The following TSC2 variants were observed in gnomAD, a reference collection of about 807,000 sequenced individuals.
TSC2 encodes the protein TSC complex subunit 2.
In TSC2, 29 loss-of-function variants were observed where a neutral mutation model predicts 202.2. The ratio of observed to expected loss-of-function variants is 0.14; its 90% confidence interval spans 0.11 to 0.20. TSC2 has a LOEUF of 0.20. TSC2 is among the 10% of genes least tolerant of loss of function. TSC2 has a pLI of 1.00. For missense variants in TSC2, 2,429 were observed against 2,420.0 expected (o/e 1.00, Z -0.08); for synonymous variants, 1,349 against 1,044.0 (o/e 1.29, Z -5.63).
rs397515142 is a variant in TSC2 at position 2,062,976 on chromosome 16, G to A, written c.1366G>A (p.Glu456Lys). The change falls in exon 14 of 42, where the codon GAG becomes AAG. Residue 456 changes from glutamate (E) to lysine (K), a missense_variant. Coordinates refer to ENST00000219476, the MANE Select transcript of TSC2 (RefSeq NM_000548.5). ...QALMERFFRS[E>K]SRGAVRIKVL... The stretch of plus-strand genomic sequence containing the variant: ...CAGCAGGCTGCCGTCCCGCAGGAGC[G>A]AGTCCCGAGGCGCCGTGCGCATCAA... 18 of 1,550,424 alleles carry A rather than the reference G, an allele frequency of 1.2e-5. No homozygotes were observed. The highest frequency in any genetic ancestry group is 1.7e-4 in the Middle Eastern group (1 of 5,744).
At chr16:2,068,108 C>T (rs1276850590) in intron 16 of TSC2, among the ~76,000 whole-genome samples, 1 of 152,154 alleles carries the variant, frequency 6.6e-6, no homozygotes, top group African/African-American at 2.4e-5. Flanking sequence ...GGCACGATCT[C>T]ACCTCACTGC....
intron 15 of TSC2, 110 bp from the exon 16 acceptor site, chr16:2,065,409 T>C: frequency 2.4e-6 from 2 of 835,788 alleles, no homozygotes; most frequent in Non-Finnish European, 3.7e-6. Context: ...CAAGACTCGA[T>C]CTCAAAAAAA....
chr16:2,073,729 C>G (rs978423067), intron 21 of TSC2, among the ~76,000 whole-genome samples: 1 of 152,244 alleles, frequency 6.6e-6, no homozygotes. Context: ...GCCTTACTGG[C>G]CCACAGTGTA....
intron 38 of TSC2, 60 bp from the exon 39 acceptor site, chr16:2,087,802 GC>G: frequency 6.3e-7 from 1 of 1,585,248 alleles, no homozygotes; most frequent in Non-Finnish European, 8.6e-7. Flanking sequence ...CCAGGCAGTA[GC>G]CGAGATCAGC....
intron 30 of TSC2, chr16:2,080,780 A>T (rs148501094): frequency 1.8e-5 from 4 of 226,096 alleles, no homozygotes; most frequent in Non-Finnish European, 3.6e-5. Flanking sequence ...CACCGCGCCC[A>T]GCCATTTGGG....
intron 36 of TSC2, 112 bp from the exon 37 acceptor site, chr16:2,086,081 C>A: frequency 7.9e-7 from 1 of 1,268,832 alleles, no homozygotes; most frequent in Non-Finnish European, 1.1e-6. Flanking sequence ...GTCTTGTCTG[C>A]CTCAGGGATC....
rs1221299997 is a variant in TSC2 at position 2,089,332 on chromosome 16, G to C, written c.*722G>C. The C allele has an allele frequency of 6.5e-6, 2 of 309,790 alleles. No homozygotes were observed. The highest frequency in any genetic ancestry group is 2.1e-5 in the African/African-American group (1 of 46,846). The allele number at this position is 309,790 out of a possible 1,614,324, so 19.2% of individuals were successfully genotyped here. On this transcript the variant is annotated 3_prime_UTR_variant, in exon 42 of 42. Transcript: ENST00000219476. ...TGCAGGGAGTACGGTAGGAACTGGA[G>C]AGGTAATAACTTAGGGGCAGGGTGG...
intron 9 of TSC2, 29 bp downstream of exon 9, chr16:2,057,207 G>A (rs1445956328): frequency 6.4e-7 from 1 of 1,551,434 alleles, no homozygotes. Flanking sequence ...GCGCAGGGCA[G>A]TGGAGGCCAG....
At chr16:2,087,407 C>T (rs983933234) in intron 38 of TSC2, among the ~76,000 whole-genome samples, 12 of 151,886 alleles carry the variant, frequency 7.9e-5, no homozygotes, top group Admixed American at 3.3e-4. Context: ...TGAACCAAAA[C>T]CCCGGGGCTG....
At position 2,080,209 on chromosome 16, in the gene TSC2, C is replaced by A. The variant is rs45477491; in HGVS notation, c.3442C>A (p.Gln1148Lys). The change falls in exon 30 of 42, where the codon CAG becomes AAG. Residue 1148 changes from glutamine to lysine, a missense_variant. Coordinates refer to ENST00000219476, the MANE Select transcript of TSC2 (RefSeq NM_000548.5). ...TGGCGCCCTGGACGTGCCGGCCTCCCAGTTCCTGGGCAGTGCCACTTCTCC... is the reference window on the plus strand; with the variant it reads ...TGGCGCCCTGGACGTGCCGGCCTCCAAGTTCCTGGGCAGTGCCACTTCTCC... ...RVGALDVPAS[Q>K]FLGSATSPGP... 6.2e-7 allele frequency: 1 copy of A among 1,613,006 alleles called. No individual in the cohort carries two copies. The highest frequency in any genetic ancestry group is 1.7e-4 in the Middle Eastern group (1 of 6,060).
intron 34 of TSC2, 69 bp from the exon 35 acceptor site, chr16:2,084,882 C>T: frequency 3.1e-6 from 5 of 1,606,158 alleles, no homozygotes; most frequent in Non-Finnish European, 4.3e-6. Context: ...GCTCTGTGTT[C>T]CTCCCTGTGG....
chr16:2,072,890 A>C lies in TSC2; in HGVS notation c.2262A>C (p.Pro754=), dbSNP rs2088691180. ...PKTLERLRGA[P]EGFSRTDLHL... ...CACTGGAGCGGCTCCGAGGCGCCCC[A>C]GAAGGCTTCTCCAGAACTGACTTGC... is the stretch of plus-strand genomic sequence containing the variant. The change falls in exon 21 of 42, where the codon CCA becomes CCC. Residue 754 remains proline (P), a synonymous_variant. Coordinates refer to ENST00000219476, the MANE Select transcript of TSC2 (RefSeq NM_000548.5). 1.2e-6 allele frequency: 2 copies of C among 1,613,516 alleles called. No individual in the cohort carries two copies.
chr16:2,074,584 C>T (rs1029743297), intron 22 of TSC2, 195 bp downstream of exon 22: 11 of 677,904 alleles, frequency 1.6e-5, no homozygotes, highest in Non-Finnish European at 1.3e-5. Flanking sequence ...GCTCCTCTCA[C>T]CCCTCTAGTG....
At position 2,061,871 on chromosome 16, in the gene TSC2, A is replaced by G; in HGVS notation, c.1120A>G (p.Thr374Ala). Residue 374 changes from threonine (T) to alanine (A), a missense_variant and splice_region_variant, in exon 12 of 42, where the codon ACC becomes GCC. Physicochemically the swap from Thr to Ala is moderately conservative, Grantham distance 58. Coordinates refer to ENST00000219476, the MANE Select transcript of TSC2 (RefSeq NM_000548.5). ...TGTGTCATCGTGCCTGGTACTGCAG[A>G]CCTTGGACAGCCCGGAGCTCAGGAC... ...IIERLLQQLQ[T>A]LDSPELRTIV... The G allele has an allele frequency of 6.2e-7, 1 of 1,614,062 alleles. No homozygotes were observed. Among genetic ancestry groups the G allele is most frequent in the Non-Finnish European group, 8.5e-7 (1 of 1,180,022 alleles).
intron 2 of TSC2, 95 bp downstream of exon 2, chr16:2,048,848 G>T (rs2084707964): frequency 5.1e-6 from 8 of 1,556,738 alleles, no homozygotes; most frequent in Non-Finnish European, 7.1e-6. Flanking sequence ...ACGGGTTGCT[G>T]GCAACTGTCT....
At chr16:2,063,954 GGGA>G in intron 14 of TSC2, 1 of 466,554 alleles carries the variant, frequency 2.1e-6, no homozygotes, top group Non-Finnish European at 4.0e-6. Context: ...AGCACCATGT[GGGA>G]GGGGTTCTCG....
intron 10 of TSC2, among the ~76,000 whole-genome samples, chr16:2,060,316 C>T (rs982284435): frequency 1.5e-4 from 23 of 152,186 alleles, no homozygotes; most frequent in African/African-American, 4.6e-4. Flanking sequence ...CCCCCCTCCC[C>T]GTAGGGGCGG....
In TSC2 at chr16:2,086,227, A is replaced by G. The variant is rs1448001502; in HGVS notation, c.4697A>G (p.His1566Arg). The change falls in exon 37 of 42, where the codon CAT becomes CGT. Residue 1566 changes from histidine (H) to arginine (R), a missense_variant. Transcript: ENST00000219476. Reference protein sequence around the residue: ...NSELAILSNEHGSYRYTEFLT... With the variant: ...NSELAILSNERGSYRYTEFLT... ...GAGCTCGCCATCCTGTCCAATGAGC[A>G]TGGCTCCTACAGGTACACGGAGTTC... 2.5e-6 allele frequency: 4 copies of G among 1,612,602 alleles called. No homozygotes were observed. Among genetic ancestry groups the G allele is most frequent in the East Asian group, 4.5e-5 (2 of 44,872 alleles).
At chr16:2,059,028 G>C (rs1266380392) in intron 10 of TSC2, among the ~76,000 whole-genome samples, 155 bp downstream of exon 10, 1 of 150,278 alleles carries the variant, frequency 6.7e-6, no homozygotes, top group Non-Finnish European at 1.5e-5. Context: ...GAGGTTTGGG[G>C]CCCTTTGTAG....
Sources: gnomAD v4.1 joint callset for allele counts (sites outside exome capture counted in the v4.1 genomes callset) on GRCh38, gnomAD v4.1.1 for gene constraint, MANE v1.5 for transcripts, NCBI Gene and HGNC (gene_info 2026-07-23, HGNC 2026-07-21) for gene names.